ASTN2: variants seen among roughly 807,000 people sequenced by gnomAD.
ASTN2 encodes astrotactin-2.
ASTN2 carries 54 observed loss-of-function variants against 139.8 expected under a neutral mutation model. That is an observed-to-expected ratio of 0.39 (90% CI 0.31 to 0.48). ASTN2 has a LOEUF of 0.48. Among genes scored for constraint, ASTN2 ranks in the 20% least tolerant of loss-of-function variants. The pLI is 0.95. For synonymous variants in ASTN2, 756 were observed against 719.5 expected, an observed-to-expected ratio of 1.05 and a Z score of -0.81; for missense variants, 1,565 against 1,725.1, an observed-to-expected ratio of 0.91 and a Z score of 1.64.
chr9:116,942,617 T>C (rs1324222959), intron 10 of ASTN2, among the ~76,000 whole-genome samples: 1 of 152,176 alleles, frequency 6.6e-6, no homozygotes, highest in African/African-American at 2.4e-5. Context: ...CTCATGTGCA[T>C]GTGTGCACAC....
chr9:117,073,848 A>G (rs991425775), intron 5 of ASTN2, among the ~76,000 whole-genome samples: 5 of 152,186 alleles, frequency 3.3e-5, no homozygotes, highest in African/African-American at 1.2e-4. Flanking sequence ...TCTAGACTTC[A>G]CCAGGTGAGG....
intron 1 of ASTN2, among the ~76,000 whole-genome samples, chr9:117,342,846 T>C (rs1829102632): frequency 6.6e-6 from 1 of 152,150 alleles, no homozygotes; most frequent in Non-Finnish European, 1.5e-5. Context: ...TTCAGTGGCA[T>C]CTCTTCTGGG....
chr9:117,073,419 T>C (rs967505469), intron 5 of ASTN2, among the ~76,000 whole-genome samples: 1 of 152,162 alleles, frequency 6.6e-6, no homozygotes, highest in Non-Finnish European at 1.5e-5. Context: ...CTCTTCCTAC[T>C]GTCCACCCTC....
chr9:116,825,341 C>T (rs1196224423), intron 11 of ASTN2, among the ~76,000 whole-genome samples: 1 of 152,096 alleles, frequency 6.6e-6, no homozygotes, highest in Non-Finnish European at 1.5e-5. Context: ...AAGTATCTGG[C>T]TTTAGACCTG....
At chr9:116,952,776 C>T (rs1158411942) in intron 10 of ASTN2, among the ~76,000 whole-genome samples, 2 of 152,200 alleles carry the variant, frequency 1.3e-5, no homozygotes, top group Admixed American at 6.5e-5. Context: ...GCCGAGCAAT[C>T]GCCGTTGGAG....
intron 6 of ASTN2, among the ~76,000 whole-genome samples, chr9:117,034,790 C>A (rs1210110043): frequency 6.6e-6 from 1 of 152,142 alleles, no homozygotes; most frequent in Non-Finnish European, 1.5e-5. Flanking sequence ...TGTTCCATTT[C>A]TTCAGTGTGT....
At chr9:116,936,956 C>T (rs1835099769) in intron 10 of ASTN2, among the ~76,000 whole-genome samples, 1 of 152,066 alleles carries the variant, frequency 6.6e-6, no homozygotes, top group Non-Finnish European at 1.5e-5. Flanking sequence ...GACTCTAGGG[C>T]CTTGAATATA....
intron 1 of ASTN2, among the ~76,000 whole-genome samples, chr9:117,336,423 T>C (rs1380213908): frequency 6.6e-6 from 1 of 152,136 alleles, no homozygotes; most frequent in Non-Finnish European, 1.5e-5. Context: ...TTCTGGGGCC[T>C]GGAACCCTGA....
intron 10 of ASTN2, among the ~76,000 whole-genome samples, chr9:116,913,493 T>C (rs1834368762): frequency 6.6e-6 from 1 of 152,184 alleles, no homozygotes; most frequent in Non-Finnish European, 1.5e-5. Flanking sequence ...GGCTTTGTCA[T>C]TTCTTAGTAC....
chr9:116,826,234 C>T (rs937157234), intron 11 of ASTN2, among the ~76,000 whole-genome samples: 3 of 152,202 alleles, frequency 2.0e-5, no homozygotes, highest in Non-Finnish European at 2.9e-5. Context: ...GGACAATACC[C>T]ACTGCCCTGC....
At chr9:116,790,929 TGAAAGAAAGAAA>T (rs758357999) in intron 13 of ASTN2, among the ~76,000 whole-genome samples, 1 of 91,708 alleles carries the variant, frequency 1.1e-5, no homozygotes, top group African/African-American at 4.2e-5. Flanking sequence ...AAGGAAGGAA[TGAAAGAAAGAAA>T]GAAAGAAAGA....
At chr9:116,642,153 A>AAAAC (rs1305470468) in intron 17 of ASTN2, among the ~76,000 whole-genome samples, 1 of 145,528 alleles carries the variant, frequency 6.9e-6, no homozygotes, top group Admixed American at 6.7e-5. Context: ...AAACAAAAAA[A>AAAAC]AACAGAATCA....
chr9:117,332,724 C>A (rs981296940), intron 1 of ASTN2, among the ~76,000 whole-genome samples: 1 of 152,168 alleles, frequency 6.6e-6, no homozygotes, highest in African/African-American at 2.4e-5. Flanking sequence ...CCGTACTATT[C>A]ACAATAGTCA....
intron 3 of ASTN2, among the ~76,000 whole-genome samples, chr9:117,147,676 A>G (rs886495590): frequency 6.6e-6 from 1 of 152,072 alleles, no homozygotes; most frequent in African/African-American, 2.4e-5. Context: ...ATGGTTTCTC[A>G]CTTGTTCCCC....
At chr9:116,784,968 G>A (rs1251548090) in intron 13 of ASTN2, among the ~76,000 whole-genome samples, 4 of 151,546 alleles carry the variant, frequency 2.6e-5, no homozygotes, top group Admixed American at 6.6e-5. Flanking sequence ...AGCAAGAAAT[G>A]GATATTTGAA....
intron 17 of ASTN2, among the ~76,000 whole-genome samples, chr9:116,624,858 T>G (rs1220859190): frequency 3.3e-5 from 5 of 151,054 alleles, no homozygotes; most frequent in African/African-American, 1.2e-4. Flanking sequence ...AAAGGCTTTC[T>G]AGAGAAAAAA....
chr9:116,474,701 A>C (rs1203475120), intron 20 of ASTN2, among the ~76,000 whole-genome samples: 1 of 152,192 alleles, frequency 6.6e-6, no homozygotes, highest in Non-Finnish European at 1.5e-5. Flanking sequence ...TCATTCCTAG[A>C]GTCTTAAATG....
chr9:117,414,345 AC>A lies in ASTN2; in HGVS notation c.442+151del, dbSNP rs1476538935. ...TCCTCCCACATGCTCGTTTCCAACC[AC>A]CTGTGCGACCTCTGGGCCCCTCCTC... On this transcript the variant is annotated intron_variant, in intron 1 of 22. Coordinates refer to ENST00000313400, the MANE Select transcript of ASTN2 (RefSeq NM_001365068.1). This position sits in a 1 kb window ranked among gnomAD's most constrained non-coding sequence, Gnocchi z 4.2. 7.8e-7 allele frequency: 1 copy of A among 1,288,240 alleles called. No homozygotes were observed. The highest frequency in any genetic ancestry group is 1.6e-5 in the African/African-American group (1 of 63,890). The allele number at this position is 1,288,240 out of a possible 1,614,324, so 79.8% of individuals were successfully genotyped here.
chr9:117,180,064 T>C (rs1379299542), intron 3 of ASTN2, among the ~76,000 whole-genome samples: 1 of 152,234 alleles, frequency 6.6e-6, no homozygotes, highest in Non-Finnish European at 1.5e-5. Flanking sequence ...ATCAGTGCTG[T>C]ATCATCTCTT....
Sources: gnomAD v4.1 joint callset for allele counts (sites outside exome capture counted in the v4.1 genomes callset) on GRCh38, gnomAD v4.1.1 for gene constraint, Gnocchi (gnomAD v3.1) non-coding constraint, MANE v1.5 for transcripts, NCBI Gene and HGNC (gene_info 2026-07-23, HGNC 2026-07-21) for gene names.